Variants in SELENOF observed in about 807,000 individuals in gnomAD.
The protein encoded by SELENOF is 15 kDa selenoprotein.
SELENOF carries 16 observed loss-of-function variants against 20.5 expected under a neutral mutation model. The ratio of observed to expected loss-of-function variants is 0.78; its 90% CI spans 0.53 to 1.19. The LOEUF (loss-of-function observed/expected upper bound fraction) is 1.19, where lower values mean the gene tolerates loss of function less well. Among genes scored for constraint, SELENOF ranks in the 50% most tolerant of loss-of-function variants. SELENOF has a pLI of 0.00. For missense variants in SELENOF, 215 were observed against 194.2 expected (o/e 1.11, Z -0.64); for synonymous variants, 78 against 74.5 (o/e 1.05, Z -0.24).
intron 2 of SELENOF, among the ~76,000 whole-genome samples, chr1:86,892,319 A>G (rs144617377): frequency 2.9e-3 from 441 of 152,328 alleles, no homozygotes; most frequent in Non-Finnish European, 4.8e-3. Context: ...AACATTATTC[A>G]TATGTTTTAA....
intron 2 of SELENOF, among the ~76,000 whole-genome samples, chr1:86,885,549 T>G (rs955836589): frequency 6.6e-6 from 1 of 152,140 alleles, no homozygotes; most frequent in African/African-American, 2.4e-5. Context: ...CATTACACAT[T>G]TATAAACCTG....
At chr1:86,901,886 C>T (rs910102028) in intron 2 of SELENOF, among the ~76,000 whole-genome samples, 1 of 152,160 alleles carries the variant, frequency 6.6e-6, no homozygotes, top group East Asian at 1.9e-4. Context: ...TCAATTTACC[C>T]TAATCACAAG....
At chr1:86,870,506 C>G (rs1401009961) in intron 3 of SELENOF, among the ~76,000 whole-genome samples, 1 of 152,188 alleles carries the variant, frequency 6.6e-6, no homozygotes, top group Non-Finnish European at 1.5e-5. Context: ...GTAACTGTGT[C>G]TACATGCCTT....
intron 2 of SELENOF, among the ~76,000 whole-genome samples, chr1:86,893,803 T>C (rs913816363): frequency 6.6e-6 from 1 of 151,836 alleles, no homozygotes; most frequent in Admixed American, 6.6e-5. Context: ...TATAAAAAAA[T>C]GATAATGCTA....
intron 2 of SELENOF, among the ~76,000 whole-genome samples, chr1:86,899,151 A>G (rs1659605197): frequency 6.6e-6 from 1 of 151,388 alleles, no homozygotes; most frequent in South Asian, 2.1e-4. Flanking sequence ...TTTTCTTAGT[A>G]CAGAACAAAA....
intron 3 of SELENOF, among the ~76,000 whole-genome samples, chr1:86,871,355 A>G (rs1174492928): frequency 6.6e-6 from 1 of 152,226 alleles, no homozygotes. Context: ...TAAAGAAACA[A>G]GAAACAAAAT....
At chr1:86,863,725 T>C (rs1376552268) in intron 4 of SELENOF, 120 bp from the exon 5 acceptor site, 1 of 820,626 alleles carries the variant, frequency 1.2e-6, no homozygotes, top group African/African-American at 1.8e-5. Context: ...CTTTTAGACA[T>C]GACAATAAAC....
intron 3 of SELENOF, 99 bp downstream of exon 3, chr1:86,880,563 C>A: frequency 3.3e-6 from 2 of 611,362 alleles, no homozygotes; most frequent in Non-Finnish European, 5.5e-6. Context: ...AAAGTATAAT[C>A]CTAAAAATTC....
At chr1:86,903,647 GGCAGTGGT>G (rs1268171809) in intron 1 of SELENOF, among the ~76,000 whole-genome samples, 199 bp from the exon 2 acceptor site, 1 of 151,818 alleles carries the variant, frequency 6.6e-6, no homozygotes, top group African/African-American at 2.4e-5. Context: ...CAGGCTGGAG[GGCAGTGGT>G]GCAACCTCGG....
chr1:86,893,817 T>C (rs1659451118), intron 2 of SELENOF, among the ~76,000 whole-genome samples: 1 of 152,104 alleles, frequency 6.6e-6, no homozygotes, highest in Non-Finnish European at 1.5e-5. Flanking sequence ...AATGCTACTA[T>C]ATAAAGCAGG....
chr1:86,888,356 C>CTAAAA (rs1557462970), intron 2 of SELENOF, among the ~76,000 whole-genome samples: 14 of 151,624 alleles, frequency 9.2e-5, no homozygotes, highest in African/African-American at 3.4e-4. Flanking sequence ...CTTGGTAATA[C>CTAAAA]TAAAAGTATT....
At chr1:86,877,129 C>A (rs776920157) in intron 3 of SELENOF, among the ~76,000 whole-genome samples, 7 of 152,076 alleles carry the variant, frequency 4.6e-5, no homozygotes, top group Non-Finnish European at 1.0e-4. Flanking sequence ...TAGTGATTGT[C>A]ATACAGTAAG....
chr1:86,900,505 G>A (rs968791796), intron 2 of SELENOF, among the ~76,000 whole-genome samples: 14 of 152,180 alleles, frequency 9.2e-5, no homozygotes, highest in African/African-American at 3.4e-4. Flanking sequence ...GGAAAATCAG[G>A]CAGGGAGGTT....
chr1:86,878,635 T>C (rs1658984247), intron 3 of SELENOF, among the ~76,000 whole-genome samples: 1 of 152,150 alleles, frequency 6.6e-6, no homozygotes, highest in African/African-American at 2.4e-5. Context: ...TGAGCTGAAA[T>C]TGCGCCACTG....
chr1:86,869,561 G>A (rs1263032569), intron 3 of SELENOF, among the ~76,000 whole-genome samples: 1 of 151,978 alleles, frequency 6.6e-6, no homozygotes, highest in African/African-American at 2.4e-5. Flanking sequence ...TTTAATAGAG[G>A]CCTATACATG....
At chr1:86,898,764 T>G (rs200693188) in intron 2 of SELENOF, among the ~76,000 whole-genome samples, 2,221 of 138,288 alleles carry the variant, frequency 0.016, 24 homozygotes, top group East Asian at 0.028. Context: ...TGTATTTTTT[T>G]TTTGTTTGTT....
intron 4 of SELENOF, among the ~76,000 whole-genome samples, chr1:86,865,698 G>A (rs746565723): frequency 1.4e-4 from 21 of 152,118 alleles, no homozygotes; most frequent in Non-Finnish European, 2.8e-4. Context: ...AAGTCATTAC[G>A]GAAAACAGTA....
chr1:86,881,941 T>C (rs1482910431), intron 2 of SELENOF, among the ~76,000 whole-genome samples: 1 of 152,058 alleles, frequency 6.6e-6, no homozygotes, highest in Non-Finnish European at 1.5e-5. Context: ...ACTTTAAGAA[T>C]AGGTTAATTT....
intron 2 of SELENOF, among the ~76,000 whole-genome samples, chr1:86,897,046 C>T (rs1334101178): frequency 2.0e-5 from 3 of 152,152 alleles, no homozygotes; most frequent in African/African-American, 7.2e-5. Flanking sequence ...TGGCTCACGC[C>T]TGTAATTCTA....
Sources: allele counts gnomAD v4.1 joint callset (sites outside exome capture counted in the v4.1 genomes callset), GRCh38; gene constraint gnomAD v4.1.1; transcripts MANE v1.5; gene names NCBI Gene and HGNC (gene_info 2026-07-23, HGNC 2026-07-21).